The following KHDRBS2 variants were observed in gnomAD, a reference collection of about 807,000 sequenced individuals.
KHDRBS2 encodes KH domain-containing, RNA-binding, signal transduction-associated protein 2.
Under a neutral mutation model 44.3 loss-of-function variants are expected in KHDRBS2, and 26 were observed. The ratio of observed to expected loss-of-function variants is 0.59; its 90% CI spans 0.43 to 0.81. The LOEUF is 0.81. KHDRBS2 is among the 40% of genes least tolerant of loss of function. The probability of loss-of-function intolerance (pLI) is 0.00; values close to 1 mark genes in which losing one functional copy is unlikely to be tolerated. For missense variants in KHDRBS2, 476 were observed against 433.1 expected, an observed-to-expected ratio of 1.10 and a Z score of -0.88; for synonymous variants, 194 against 151.1, an observed-to-expected ratio of 1.28 and a Z score of -2.08.
the KHDRBS2 span, among the ~76,000 whole-genome samples, chr6:61,589,332 CT>C: frequency 3.9e-5 from 6 of 152,092 alleles, no homozygotes; most frequent in Admixed American, 6.5e-5. Context: ...TAGCTTTGAC[CT>C]TTTAGATTCT....
At chr6:61,569,905 G>A in the KHDRBS2 span, among the ~76,000 whole-genome samples, 2 of 152,156 alleles carry the variant, frequency 1.3e-5, no homozygotes, top group Non-Finnish European at 2.9e-5. Context: ...ATTACCCCAT[G>A]AGACAAAAGA....
chr6:61,745,533 T>C (rs776995700), intron 6 of KHDRBS2, among the ~76,000 whole-genome samples: 3 of 152,180 alleles, frequency 2.0e-5, no homozygotes, highest in Non-Finnish European at 4.4e-5. Context: ...AAGCAAATGC[T>C]GTAAAGTCAG....
rs6917310 is a variant in KHDRBS2 at position 62,011,344 on chromosome 6, C to T, written c.337-33132G>A. ...TCTACTGTGAATCAACACTAGAAAG[C>T]AATAACACATTGCACACGAAAATAA... On this transcript the variant is annotated intron_variant, in intron 3 of 8. Transcript: ENST00000281156. Among the ~76,000 whole-genome samples the T allele has an allele frequency of 1.0e-3, 155 of 152,072 alleles. 1 individual carries two copies. The highest frequency in any genetic ancestry group is 3.5e-3 in the African/African-American group (147 of 41,496).
At chr6:61,939,751 A>T (rs1341716872) in intron 4 of KHDRBS2, among the ~76,000 whole-genome samples, 1 of 152,252 alleles carries the variant, frequency 6.6e-6, no homozygotes, top group Non-Finnish European at 1.5e-5. Flanking sequence ...AATGTGAATT[A>T]TAAAACTCTG....
chr6:61,622,971 GGGA>G, the KHDRBS2 span, among the ~76,000 whole-genome samples: 1 of 152,054 alleles, frequency 6.6e-6, no homozygotes, highest in African/African-American at 2.4e-5. Context: ...GCCTGAAGCT[GGGA>G]GATCACAGTT....
At chr6:62,285,831 G>T in intron 1 of KHDRBS2, 27 bp downstream of exon 1, 5 of 1,554,716 alleles carry the variant, frequency 3.2e-6, no homozygotes, top group Non-Finnish European at 3.5e-6. Context: ...CCGGCGGTTT[G>T]TGCCCATCTG....
chr6:62,276,569 G>A (rs2150193037), intron 1 of KHDRBS2, among the ~76,000 whole-genome samples: 1 of 152,266 alleles, frequency 6.6e-6, no homozygotes, highest in South Asian at 2.1e-4. Flanking sequence ...GTCAATGTAA[G>A]TCATTCAGAA....
At chr6:61,727,189 C>T (rs1303733299) in intron 7 of KHDRBS2, among the ~76,000 whole-genome samples, 2 of 152,144 alleles carry the variant, frequency 1.3e-5, no homozygotes, top group Non-Finnish European at 2.9e-5. Context: ...GAAAGGGTTA[C>T]CTACTTAATA....
chr6:61,914,809 G>A (rs1250264400), intron 4 of KHDRBS2, among the ~76,000 whole-genome samples: 1 of 151,970 alleles, frequency 6.6e-6, no homozygotes, highest in African/African-American at 2.4e-5. Context: ...AAATTAAAAA[G>A]ACAAAATACA....
intron 6 of KHDRBS2, among the ~76,000 whole-genome samples, chr6:61,863,844 G>T (rs1797379900): frequency 6.6e-6 from 1 of 152,016 alleles, no homozygotes; most frequent in South Asian, 2.1e-4. Flanking sequence ...CTTTGCTAAT[G>T]TTCAGACTCA....
At chr6:62,047,175 G>A (rs570506968) in intron 3 of KHDRBS2, among the ~76,000 whole-genome samples, 7 of 151,748 alleles carry the variant, frequency 4.6e-5, no homozygotes, top group South Asian at 2.1e-4. Flanking sequence ...AATACATCCC[G>A]CCTTTCGCAG....
At chr6:61,774,082 C>T (rs542471342) in intron 6 of KHDRBS2, among the ~76,000 whole-genome samples, 2 of 152,270 alleles carry the variant, frequency 1.3e-5, no homozygotes, top group African/African-American at 4.8e-5. Flanking sequence ...TAGCATGATG[C>T]CTCCAGCTTT....
At chr6:61,774,307 T>G (rs899399450) in intron 6 of KHDRBS2, among the ~76,000 whole-genome samples, 1 of 152,198 alleles carries the variant, frequency 6.6e-6, no homozygotes, top group Non-Finnish European at 1.5e-5. Context: ...GTTTGTATCC[T>G]CTTTTATTTC....
At chr6:61,546,689 C>T in the KHDRBS2 span, among the ~76,000 whole-genome samples, 5 of 151,976 alleles carry the variant, frequency 3.3e-5, no homozygotes, top group Middle Eastern at 3.2e-3. Context: ...GTGGTCACAG[C>T]GGTGGTGGGG....
At chr6:62,049,339 G>A (rs1347980031) in intron 2 of KHDRBS2, among the ~76,000 whole-genome samples, 2 of 151,844 alleles carry the variant, frequency 1.3e-5, no homozygotes, top group Admixed American at 1.3e-4. Context: ...AAACTTTCAT[G>A]ACCTCTTTCA....
intron 6 of KHDRBS2, among the ~76,000 whole-genome samples, chr6:61,861,043 T>C (rs1796886726): frequency 6.6e-6 from 1 of 152,106 alleles, no homozygotes; most frequent in African/African-American, 2.4e-5. Context: ...TCAGGTCCTT[T>C]GCCTACTTTT....
chr6:61,571,296 T>C, the KHDRBS2 span, among the ~76,000 whole-genome samples: 1 of 152,066 alleles, frequency 6.6e-6, no homozygotes, highest in South Asian at 2.1e-4. Flanking sequence ...AAACAGACTT[T>C]ACAGCAACAA....
At chr6:61,682,364 T>G (rs1212010970) in intron 8 of KHDRBS2, among the ~76,000 whole-genome samples, 1 of 151,822 alleles carries the variant, frequency 6.6e-6, no homozygotes, top group African/African-American at 2.4e-5. Flanking sequence ...AATAAAAAAT[T>G]ATATCTCTTT....
chr6:61,930,696 C>CAA (rs999097359), intron 4 of KHDRBS2, among the ~76,000 whole-genome samples: 1 of 145,828 alleles, frequency 6.9e-6, no homozygotes, highest in African/African-American at 2.5e-5. Flanking sequence ...GACCCCGTCT[C>CAA]AAAAAAAAAG....
Sources: allele counts gnomAD v4.1 joint callset (sites outside exome capture counted in the v4.1 genomes callset), GRCh38; gene constraint gnomAD v4.1.1; transcripts MANE v1.5; gene names NCBI Gene and HGNC (gene_info 2026-07-23, HGNC 2026-07-21).